Variants in GDA observed in about 807,000 individuals in gnomAD.
GDA encodes guanine deaminase, also known as cytoplasmic PSD-95 interactor.
GDA carries 18 observed loss-of-function variants against 59.6 expected under a neutral mutation model. The observed-to-expected ratio is 0.30, with a 90% CI of 0.21 to 0.45. The LOEUF is 0.45. Ranked by LOEUF, GDA falls within the 20% of genes least tolerant of loss-of-function variation. GDA has a pLI of 1.00. For missense variants in GDA, 427 were observed against 552.3 expected, an observed-to-expected ratio of 0.77 and a Z score of 2.27; for synonymous variants, 201 against 201.1, an observed-to-expected ratio of 1.00 and a Z score of 0.00.
rs374120697 is a variant in GDA, at chr9:72,132,432, A to G, written c.-100+17599A>G. Among the ~76,000 whole-genome samples, 8 of 152,336 alleles carry G rather than the reference A, an allele frequency of 5.3e-5. No homozygotes were observed. The East Asian group carries it at 9.6e-4, about 18-fold the overall frequency. ...TAGGATGGCTCCTAGGACCATGGAA[A>G]AAACAATGCCTCATACCAGTGACAA... On this transcript the variant is annotated intron_variant, in intron 1 of 13. Transcript: ENST00000545168.
upstream of GDA, chr9:72,149,406 C>A: frequency 1.3e-6 from 1 of 778,570 alleles, no homozygotes; most frequent in Non-Finnish European, 1.9e-6. Context: ...GCGCGGCCTG[C>A]AGGGTACCGG....
At chr9:72,161,410 A>G (rs892275444) in intron 1 of GDA, among the ~76,000 whole-genome samples, 1 of 152,134 alleles carries the variant, frequency 6.6e-6, no homozygotes, top group Non-Finnish European at 1.5e-5. Flanking sequence ...GTTATCTTCC[A>G]AATAACCAGT....
chr9:72,225,856 A>G (rs981558758), intron 8 of GDA, 72 bp downstream of exon 8: 15 of 668,036 alleles, frequency 2.2e-5, no homozygotes, highest in Non-Finnish European at 3.9e-5. Context: ...TCTCAATAGT[A>G]ATCTTCAGAT....
rs1840374753 is a variant in GDA, at chr9:72,248,434, C to T, written c.*92C>T. 1.5e-5 allele frequency: 24 copies of T among 1,584,906 alleles called. No individual in the cohort carries two copies. In the South Asian group the frequency reaches 2.5e-4, roughly 17 times the overall value. ...GGAGTTAGAAAGTCAAAAAATAGTA[C>T]CTTGTTCTTGGGATGACTATCCCTT... is the stretch of plus-strand genomic sequence containing the variant. On this transcript the variant is annotated 3_prime_UTR_variant, in exon 14 of 14. Coordinates refer to ENST00000358399, the MANE Select transcript of GDA (RefSeq NM_004293.5).
intron 1 of GDA, among the ~76,000 whole-genome samples, chr9:72,131,349 T>TA (rs1197082571): frequency 6.6e-6 from 1 of 152,100 alleles, no homozygotes; most frequent in African/African-American, 2.4e-5. Flanking sequence ...CCAAGAATCT[T>TA]GAGTCTCCAG....
At chr9:72,226,117 G>A (rs796263603) in intron 8 of GDA, among the ~76,000 whole-genome samples, 6 of 151,942 alleles carry the variant, frequency 3.9e-5, no homozygotes, top group Admixed American at 2.0e-4. Flanking sequence ...TTGGTCCAAG[G>A]ACATTTTAAC....
In GDA at chr9:72,119,191, A is replaced by C. The variant is rs527656395; in HGVS notation, c.-100+4358A>C. ...GTGGAGGAAATAATGTTTAGGAATA[A>C]AGGATTAGCTTTCTAAATGTTAGCA... On this transcript the variant is annotated intron_variant, in intron 1 of 13. Coordinates refer to the GDA transcript ENST00000545168. Among the ~76,000 whole-genome samples the C allele has an allele frequency of 2.0e-5, 3 of 152,288 alleles. No homozygotes were observed. The East Asian group carries it at 5.8e-4, about 29-fold the overall frequency.
intron 10 of GDA, among the ~76,000 whole-genome samples, chr9:72,239,741 T>C (rs1184370384): frequency 6.6e-6 from 1 of 152,146 alleles, no homozygotes; most frequent in Non-Finnish European, 1.5e-5. Flanking sequence ...ATGATAAAAA[T>C]GAAGATTTAA....
chr9:72,134,461 G>A (rs1015730430), intron 1 of GDA, among the ~76,000 whole-genome samples: 2 of 151,844 alleles, frequency 1.3e-5, no homozygotes, highest in Non-Finnish European at 2.9e-5. Context: ...GAGTGCAGTG[G>A]TGTGATCTCG....
At position 72,250,136 on chromosome 9, in the gene GDA, G is replaced by A. The variant is rs1235225581; in HGVS notation, c.*1794G>A. On this transcript the variant is annotated 3_prime_UTR_variant, in exon 14 of 14. Coordinates refer to ENST00000358399, the MANE Select transcript of GDA (RefSeq NM_004293.5). ...AAATTTCTCCCCATTTCTCTACGGG[G>A]CTAGCAAAAATCTTCAGCTTTATCA... 2.0e-6 allele frequency: 2 copies of A among 985,158 alleles called. No homozygotes were observed. The allele number at this position is 985,158 out of a possible 1,614,324, so 61.0% of individuals were successfully genotyped here.
At chr9:72,192,840 A>G (rs1832723839) in intron 1 of GDA, among the ~76,000 whole-genome samples, 1 of 151,958 alleles carries the variant, frequency 6.6e-6, no homozygotes, top group Non-Finnish European at 1.5e-5. Context: ...AGATGGTGCC[A>G]CTGCACTGTA....
At chr9:72,128,752 G>T (rs1390166675) in intron 1 of GDA, among the ~76,000 whole-genome samples, 1 of 152,162 alleles carries the variant, frequency 6.6e-6, no homozygotes, top group Non-Finnish European at 1.5e-5. Context: ...CAGGGCTTGA[G>T]CCTGATTCAC....
chr9:72,244,665 T>C (rs1407122323), intron 11 of GDA, among the ~76,000 whole-genome samples: 3 of 152,206 alleles, frequency 2.0e-5, no homozygotes, highest in Non-Finnish European at 4.4e-5. Context: ...GGATAATTAT[T>C]TTTTATTTAT....
chr9:72,245,100 G>C, intron 11 of GDA, 48 bp from the exon 12 acceptor site: 1 of 1,597,610 alleles, frequency 6.3e-7, no homozygotes, highest in Non-Finnish European at 8.6e-7. Flanking sequence ...ACATTAGTGT[G>C]GTCTGATGGC....
intron 9 of GDA, among the ~76,000 whole-genome samples, chr9:72,230,209 C>T (rs1228978259): frequency 6.6e-6 from 1 of 152,088 alleles, no homozygotes; most frequent in Non-Finnish European, 1.5e-5. Flanking sequence ...AAAGGCAGCA[C>T]ATGGTGGGCA....
chr9:72,136,943 C>T (rs554280065), intron 1 of GDA, among the ~76,000 whole-genome samples: 157 of 152,094 alleles, frequency 1.0e-3, no homozygotes, highest in Non-Finnish European at 2.0e-3. Context: ...CCATTGCACT[C>T]CAGCCTTGGT....
Position 72,149,551 on chromosome 9 carries a change from G to T in GDA, c.-9G>T. The T allele has an allele frequency of 1.9e-6, 3 of 1,608,736 alleles. No homozygotes were observed. The highest frequency in any genetic ancestry group is 2.5e-6 in the Non-Finnish European group (3 of 1,178,704). ...GACCAGCAGACCCGCGCTGCGCTCCGCCGCTGACATGTGTGCCGCTCAGAT... is the reference window on the plus strand; with the variant it reads ...GACCAGCAGACCCGCGCTGCGCTCCTCCGCTGACATGTGTGCCGCTCAGAT... On this transcript the variant is annotated 5_prime_UTR_variant, in exon 1 of 14. Transcript: ENST00000358399.
intron 4 of GDA, among the ~76,000 whole-genome samples, chr9:72,211,780 A>G (rs1835406116): frequency 6.6e-6 from 1 of 152,226 alleles, no homozygotes; most frequent in African/African-American, 2.4e-5. Flanking sequence ...GGACCACAGT[A>G]GTTTAACTAG....
intron 1 of GDA, among the ~76,000 whole-genome samples, chr9:72,184,194 A>G (rs368068475): frequency 1.2e-4 from 19 of 152,184 alleles, no homozygotes; most frequent in East Asian, 5.8e-4. Context: ...AACAACTGAT[A>G]AACCTACATT....
Sources: gnomAD v4.1 joint callset for allele counts (sites outside exome capture counted in the v4.1 genomes callset) on GRCh38, gnomAD v4.1.1 for gene constraint, MANE v1.5 for transcripts, NCBI Gene and HGNC (gene_info 2026-07-23, HGNC 2026-07-21) for gene names.